Variants in DCAF10 observed in about 807,000 individuals in gnomAD.
DCAF10 encodes DDB1- and CUL4-associated factor 10.
A neutral mutation model predicts 51.9 loss-of-function variants in DCAF10; 19 were observed. The observed-to-expected ratio is 0.37, with a 90% CI of 0.26 to 0.54. The LOEUF is 0.54. Ranked by LOEUF, DCAF10 falls within the 20% of genes least tolerant of loss-of-function variation. The probability of loss-of-function intolerance (pLI) is 0.87; values close to 1 mark genes in which losing one functional copy is unlikely to be tolerated. For missense variants in DCAF10, 510 were observed against 730.6 expected, an observed-to-expected ratio of 0.70 and a Z score of 3.48; for synonymous variants, 291 against 297.1, an observed-to-expected ratio of 0.98 and a Z score of 0.21.
chr9:37,833,165 T>G (rs1830055974), intron 2 of DCAF10, among the ~76,000 whole-genome samples: 1 of 152,236 alleles, frequency 6.6e-6, no homozygotes, highest in African/African-American at 2.4e-5. Context: ...TCTTTTTGAT[T>G]ATACTACAAA....
At position 37,801,540 on chromosome 9, in the gene DCAF10, C is replaced by T. The variant is rs1828946092; in HGVS notation, c.539+135C>T. 3.6e-6 allele frequency: 4 copies of T among 1,102,266 alleles called. 1 individual carries two copies. In the East Asian group the frequency reaches 1.3e-4, roughly 36 times the overall value. 68.3% of individuals were successfully genotyped at this position (1,102,266 alleles called of 1,614,324 possible). On this transcript the variant is annotated intron_variant, in intron 1 of 6. Transcript: ENST00000377724. This position sits in a 1 kb window ranked among gnomAD's most constrained non-coding sequence, Gnocchi z 5.5. ...TTTGGGGCCGCTGGCCTTCGTGCCT[C>T]CTGGCACTTTCTGAAGCGCATTCTC... is the stretch of plus-strand genomic sequence containing the variant.
At position 37,865,453 on chromosome 9, in the gene DCAF10, C is replaced by T. The variant is rs1251716386; in HGVS notation, c.*3945C>T. 6.6e-6 allele frequency: 1 copy of T among 152,176 alleles called. No individual in the cohort carries two copies. The highest frequency in any genetic ancestry group is 1.5e-5 in the Non-Finnish European group (1 of 68,034). The allele number at this position is 152,176 out of a possible 1,614,324, so 9.4% of individuals were successfully genotyped here. On this transcript the variant is annotated 3_prime_UTR_variant, in exon 7 of 7. Transcript: ENST00000377724. Reference sequence around the variant, plus strand: ...ATCTTAACATTTCAAAGCCCCATTTCACTTAAGAGTAAAATCTAATCTGAT... The same window carrying T: ...ATCTTAACATTTCAAAGCCCCATTTTACTTAAGAGTAAAATCTAATCTGAT...
chr9:37,823,496 A>G (rs1829764091), intron 2 of DCAF10, among the ~76,000 whole-genome samples: 1 of 152,230 alleles, frequency 6.6e-6, no homozygotes, highest in Admixed American at 6.5e-5. Context: ...ATAATGTTCA[A>G]TACCATGTTA....
chr9:37,830,688 G>A (rs1260171368), intron 2 of DCAF10, among the ~76,000 whole-genome samples: 1 of 152,164 alleles, frequency 6.6e-6, no homozygotes, highest in Non-Finnish European at 1.5e-5. Context: ...TCTCTATGTT[G>A]CTAATATGTT....
intron 2 of DCAF10, among the ~76,000 whole-genome samples, chr9:37,832,319 A>G (rs1249278951): frequency 1.3e-5 from 2 of 152,046 alleles, no homozygotes; most frequent in Admixed American, 6.5e-5. Context: ...TTAGTGGGGC[A>G]TGGTGGCGGG....
chr9:37,850,826 T>TTATA lies in DCAF10; in HGVS notation c.852-3901_852-3898dup, dbSNP rs71494679. 8.5e-3 allele frequency among the ~76,000 whole-genome samples: 385 copies of TTATA among 45,464 alleles called. 6 individuals are homozygous for TTATA. The highest frequency in any genetic ancestry group is 0.021 in the East Asian group (17 of 800). The allele number at this position is 45,464 out of a possible 152,430, so 29.8% of individuals were successfully genotyped here. On this transcript the variant is annotated intron_variant, in intron 3 of 6. Coordinates refer to ENST00000377724, the MANE Select transcript of DCAF10 (RefSeq NM_024345.5). ...AATGCTAAGTATGTGAGGATATATT[T>TTATA]TATATATATATATATATATATATAT... is the stretch of plus-strand genomic sequence containing the variant.
rs1392463742 is a variant in DCAF10, at chr9:37,842,081, T to C, written c.654-8T>C. 6.3e-7 allele frequency: 1 copy of C among 1,599,786 alleles called. No homozygotes were observed. The highest frequency in any genetic ancestry group is 1.1e-5 in the South Asian group (1 of 87,566). ...ATGAACCAGGGTTTTGTTTTTCTGC[T>C]TTTATAGATTTCTTGATAACCGGCT... On this transcript the variant is annotated splice_polypyrimidine_tract_variant and splice_region_variant and intron_variant, in intron 2 of 6. Transcript: ENST00000377724.
chr9:37,836,276 G>A, intron 2 of DCAF10: 1 of 1,584,870 alleles, frequency 6.3e-7, no homozygotes, highest in Non-Finnish European at 8.7e-7. Context: ...AATATATTCA[G>A]CGAAACTTAC....
At chr9:37,850,826 TTATATATATATA>T (rs71494679) in intron 3 of DCAF10, among the ~76,000 whole-genome samples, 1,848 of 45,236 alleles carry the variant, frequency 0.041, 25 homozygotes, top group Non-Finnish European at 0.057. Context: ...AGGATATATT[TTATATATATATA>T]TATATATATA....
chr9:37,840,259 C>G (rs1755862978), intron 2 of DCAF10, among the ~76,000 whole-genome samples: 1 of 152,050 alleles, frequency 6.6e-6, no homozygotes, highest in African/African-American at 2.4e-5. Flanking sequence ...TGTACTCCTA[C>G]TTAAAAAAAA....
intron 3 of DCAF10, among the ~76,000 whole-genome samples, chr9:37,850,283 A>G (rs572749023): frequency 6.6e-6 from 1 of 152,348 alleles, no homozygotes; most frequent in South Asian, 2.1e-4. Context: ...TACTAGGTAT[A>G]TATCCAAAGG....
intron 3 of DCAF10, among the ~76,000 whole-genome samples, chr9:37,847,795 C>T (rs1195200256): frequency 6.6e-6 from 1 of 152,084 alleles, no homozygotes; most frequent in Non-Finnish European, 1.5e-5. Flanking sequence ...ACCTAATAAA[C>T]AAGTTTAGTA....
chr9:37,800,693 A>T (rs1171684293), upstream of DCAF10: 1 of 1,535,920 alleles, frequency 6.5e-7, no homozygotes, highest in Admixed American at 2.0e-5. Context: ...GCGGCGCCCC[A>T]AACCCGGCGG....
rs537666389 is a variant in DCAF10, at chr9:37,819,842, C to T, written c.653+441C>T. 2.6e-5 allele frequency among the ~76,000 whole-genome samples: 4 copies of T among 152,256 alleles called. No individual in the cohort carries two copies. The South Asian group carries it at 8.3e-4, about 32-fold the overall frequency. On this transcript the variant is annotated intron_variant, in intron 2 of 6. Coordinates refer to ENST00000377724, the MANE Select transcript of DCAF10 (RefSeq NM_024345.5). ...AATTTCTCTGTAGCATCATTGGAAG[C>T]TCCTTAATTTTCAATAATGTGGGAA... is the stretch of plus-strand genomic sequence containing the variant.
intron 4 of DCAF10, among the ~76,000 whole-genome samples, chr9:37,856,167 T>C (rs1355552075): frequency 6.6e-6 from 1 of 151,500 alleles, no homozygotes; most frequent in Non-Finnish European, 1.5e-5. Context: ...AAAAAGGAAA[T>C]GAAAAAAAAG....
chr9:37,804,267 T>G (rs1032001418), intron 1 of DCAF10, among the ~76,000 whole-genome samples: 14 of 143,620 alleles, frequency 9.7e-5, no homozygotes, highest in African/African-American at 3.6e-4. Context: ...CCCAGTTTCT[T>G]CAGGAACTCT....
At chr9:37,800,741 A>T, upstream of DCAF10, 1 of 1,533,970 alleles carries the variant, frequency 6.5e-7, no homozygotes, top group East Asian at 2.4e-5. Context: ...ACGGTGGCCG[A>T]GGGGCGGCGC....
chr9:37,810,443 ATTTCTTTC>A (rs1203615300), intron 1 of DCAF10, among the ~76,000 whole-genome samples: 1 of 150,876 alleles, frequency 6.6e-6, no homozygotes, highest in Non-Finnish European at 1.5e-5. Flanking sequence ...GCTGAATGGT[ATTTCTTTC>A]TTTCTTTCTT....
intron 2 of DCAF10, among the ~76,000 whole-genome samples, chr9:37,837,704 G>C (rs899443825): frequency 1.3e-5 from 2 of 152,094 alleles, no homozygotes; most frequent in African/African-American, 4.8e-5. Flanking sequence ...GTAGAAGCAG[G>C]TCCATGTCTT....
Sources: allele counts gnomAD v4.1 joint callset (sites outside exome capture counted in the v4.1 genomes callset), GRCh38; gene constraint gnomAD v4.1.1; non-coding constraint Gnocchi (gnomAD v3.1); transcripts MANE v1.5; gene names NCBI Gene and HGNC (gene_info 2026-07-23, HGNC 2026-07-21).